SORCS1: variants seen among roughly 807,000 people sequenced by gnomAD.
SORCS1 encodes sortilin related VPS10 domain containing receptor 1.
SORCS1 carries 60 observed loss-of-function variants against 146.1 expected under a neutral mutation model. The observed-to-expected ratio is 0.41, with a 90% CI of 0.33 to 0.51. The LOEUF (loss-of-function observed/expected upper bound fraction) is 0.51. SORCS1 is among the 20% of genes least tolerant of loss of function. The pLI is 0.21. For synonymous variants in SORCS1, 637 were observed against 584.0 expected (o/e 1.09, Z -1.31); for missense variants, 1,352 against 1,487.6 (o/e 0.91, Z 1.50).
At chr10:106,614,417 T>C (rs1295268351) in intron 21 of SORCS1, among the ~76,000 whole-genome samples, 1 of 152,198 alleles carries the variant, frequency 6.6e-6, no homozygotes, top group Non-Finnish European at 1.5e-5. Context: ...TTATAAGGTA[T>C]GTTTTCGTGG....
At chr10:106,707,138 C>A in intron 7 of SORCS1, among the ~76,000 whole-genome samples, 1 of 151,920 alleles carries the variant, frequency 6.6e-6, no homozygotes, top group Non-Finnish European at 1.5e-5. Context: ...GATGGAAAAC[C>A]AGGCTAGGAT....
the SORCS1 span, among the ~76,000 whole-genome samples, chr10:107,176,189 A>C: frequency 6.6e-6 from 1 of 152,022 alleles, no homozygotes; most frequent in Non-Finnish European, 1.5e-5. Context: ...ATGAGTTATT[A>C]AAAAGTATTA....
intron 1 of SORCS1, among the ~76,000 whole-genome samples, chr10:107,012,404 T>G (rs1957731453): frequency 6.6e-6 from 1 of 152,246 alleles, no homozygotes; most frequent in South Asian, 2.1e-4. Flanking sequence ...ATAGGATTTT[T>G]GGTGGGAATA....
intron 1 of SORCS1, among the ~76,000 whole-genome samples, chr10:107,070,771 C>T (rs1345090958): frequency 5.3e-5 from 8 of 152,106 alleles, no homozygotes; most frequent in African/African-American, 1.7e-4. Flanking sequence ...GTCATTATCA[C>T]TTACTTAATG....
chr10:106,794,569 C>T (rs1946457974), intron 3 of SORCS1, among the ~76,000 whole-genome samples: 1 of 143,702 alleles, frequency 7.0e-6, no homozygotes, highest in African/African-American at 2.6e-5. Context: ...GTGGCACGAT[C>T]TCGGCTCACT....
chr10:106,680,856 A>G (rs1031985844), intron 10 of SORCS1, among the ~76,000 whole-genome samples: 1 of 152,186 alleles, frequency 6.6e-6, no homozygotes, highest in Non-Finnish European at 1.5e-5. Context: ...ACCTACAGAT[A>G]CAATGATTAA....
At chr10:106,902,787 A>G (rs1354616865) in intron 2 of SORCS1, among the ~76,000 whole-genome samples, 3 of 152,276 alleles carry the variant, frequency 2.0e-5, no homozygotes, top group Non-Finnish European at 2.9e-5. Flanking sequence ...GGATTAAATT[A>G]AAATTACTGG....
intron 5 of SORCS1, among the ~76,000 whole-genome samples, chr10:106,739,329 A>G (rs1364469325): frequency 6.6e-6 from 1 of 151,952 alleles, no homozygotes; most frequent in Non-Finnish European, 1.5e-5. Flanking sequence ...CACTAAAAAT[A>G]CAAAAATTAT....
intron 2 of SORCS1, among the ~76,000 whole-genome samples, chr10:106,924,650 C>T (rs1186679494): frequency 6.6e-6 from 1 of 151,748 alleles, no homozygotes; most frequent in Non-Finnish European, 1.5e-5. Flanking sequence ...GTCCACCATC[C>T]TCACTTTCTA....
intron 2 of SORCS1, among the ~76,000 whole-genome samples, chr10:106,849,034 C>T (rs1949431408): frequency 6.7e-6 from 1 of 148,508 alleles, no homozygotes; most frequent in Admixed American, 6.7e-5. Context: ...TCCTTCATTT[C>T]AACTTTGGTG....
chr10:106,585,628 G>C (rs992807251), intron 24 of SORCS1, among the ~76,000 whole-genome samples: 10 of 152,182 alleles, frequency 6.6e-5, no homozygotes, highest in Non-Finnish European at 1.3e-4. Flanking sequence ...CAATGAGTTT[G>C]AAGCTTGTCT....
intron 1 of SORCS1, among the ~76,000 whole-genome samples, chr10:107,161,009 TC>T (rs1332025811): frequency 1.3e-5 from 2 of 151,934 alleles, no homozygotes; most frequent in South Asian, 4.2e-4. Flanking sequence ...TGCCAGAAGA[TC>T]CCCCCAGGTG....
At chr10:106,956,483 G>A (rs760835017) in intron 2 of SORCS1, 30 bp downstream of exon 2, 14 of 1,603,456 alleles carry the variant, frequency 8.7e-6, no homozygotes, top group Admixed American at 5.0e-5. Context: ...TAAATAACAC[G>A]GTAATTATTA....
chr10:106,665,779 C>A (rs1189784761), intron 17 of SORCS1, among the ~76,000 whole-genome samples: 1 of 152,068 alleles, frequency 6.6e-6, no homozygotes, highest in Non-Finnish European at 1.5e-5. Context: ...AATATGCGAA[C>A]TTGACTGCGC....
chr10:107,179,612 T>G, the SORCS1 span, among the ~76,000 whole-genome samples: 26 of 152,322 alleles, frequency 1.7e-4, no homozygotes, highest in South Asian at 5.2e-3. Flanking sequence ...TATTTTTAAC[T>G]TTGGCCATTA....
chr10:106,773,598 A>C (rs1421514849), intron 4 of SORCS1, among the ~76,000 whole-genome samples: 1 of 152,164 alleles, frequency 6.6e-6, no homozygotes, highest in East Asian at 1.9e-4. Flanking sequence ...AGAAACAGAG[A>C]GGTCAGTAGA....
At chr10:106,621,047 G>A (rs919827017) in intron 19 of SORCS1, among the ~76,000 whole-genome samples, 3 of 152,132 alleles carry the variant, frequency 2.0e-5, no homozygotes, top group Admixed American at 2.0e-4. Context: ...GAATGTGTTC[G>A]TGCATGTGTC....
chr10:107,090,162 G>A (rs376875503), intron 1 of SORCS1, among the ~76,000 whole-genome samples: 1 of 152,260 alleles, frequency 6.6e-6, no homozygotes, highest in Admixed American at 6.5e-5. Flanking sequence ...ACTCATTCAC[G>A]ATTCCTTGTA....
intron 2 of SORCS1, among the ~76,000 whole-genome samples, chr10:106,850,098 C>T (rs1589547437): frequency 6.6e-6 from 1 of 151,940 alleles, no homozygotes; most frequent in Non-Finnish European, 1.5e-5. Context: ...CCTCCTTGAG[C>T]TGTGGTGGGC....
Sources: allele counts gnomAD v4.1 joint callset (sites outside exome capture counted in the v4.1 genomes callset), GRCh38; gene constraint gnomAD v4.1.1; transcripts MANE v1.5; gene names NCBI Gene and HGNC (gene_info 2026-07-23, HGNC 2026-07-21).